The following ARSJ variants were observed in gnomAD, a reference collection of about 807,000 sequenced individuals.
The protein encoded by ARSJ is arylsulfatase J.
Under a neutral mutation model 35.9 loss-of-function variants are expected in ARSJ, and 26 were observed. The observed-to-expected ratio is 0.72, with a 90% CI of 0.53 to 1.00. The LOEUF (loss-of-function observed/expected upper bound fraction) is 1.00, where lower values mean the gene tolerates loss of function less well. ARSJ is among the 50% of genes least tolerant of loss of function. The probability of loss-of-function intolerance (pLI) is 0.00; values close to 1 mark genes in which losing one functional copy is unlikely to be tolerated. For synonymous variants in ARSJ, 294 were observed against 267.6 expected, an observed-to-expected ratio of 1.10 and a Z score of -0.96; for missense variants, 667 against 723.6, an observed-to-expected ratio of 0.92 and a Z score of 0.90.
rs1227242550 is a variant in ARSJ, at chr4:113,903,303, C to T, written c.771G>A (p.Lys257=). The change falls in exon 2 of 2, where the codon AAG becomes AAA. Residue 257 remains lysine, a synonymous_variant. Coordinates refer to ENST00000315366, the MANE Select transcript of ARSJ (RefSeq NM_024590.4). ...QQILASHNPT[K]PIFLYIAYQA... is the part of the protein sequence containing the mutation. ...GATAGGCAATATATAAAAATATAGG[C>T]TTTGTGGGGTTATGGGAAGCTAAGA... 6.2e-7 allele frequency: 1 copy of T among 1,614,082 alleles called. No homozygotes were observed. Among genetic ancestry groups the T allele is most frequent in the Admixed American group, 1.7e-5 (1 of 60,012 alleles).
chr4:113,945,211 C>T (rs1342114422), intron 1 of ARSJ, among the ~76,000 whole-genome samples: 2 of 152,110 alleles, frequency 1.3e-5, no homozygotes, highest in African/African-American at 2.4e-5. Context: ...GGTGAAATCA[C>T]AGCTCACTGA....
intron 1 of ARSJ, among the ~76,000 whole-genome samples, chr4:113,959,106 G>A (rs1421673413): frequency 1.3e-5 from 2 of 151,964 alleles, no homozygotes; most frequent in Non-Finnish European, 2.9e-5. Context: ...AATAACTAGA[G>A]CTGTCTGAAG....
intron 1 of ARSJ, among the ~76,000 whole-genome samples, chr4:113,942,115 C>T (rs571656039): frequency 6.6e-5 from 10 of 151,930 alleles, no homozygotes; most frequent in African/African-American, 1.7e-4. Flanking sequence ...AGTGTAAGAA[C>T]GGTCAAGTTA....
In ARSJ at chr4:113,900,555, A is replaced by C. The variant is rs1404123475; in HGVS notation, c.*1719T>G. Reference sequence around the variant, plus strand: ...CTTTGAGTTGTGATATAAATGGATTATATCACAGTCCTTTGAGCTGTGATG... The same window carrying C: ...CTTTGAGTTGTGATATAAATGGATTCTATCACAGTCCTTTGAGCTGTGATG... On this transcript the variant is annotated 3_prime_UTR_variant, in exon 2 of 2. Transcript: ENST00000315366. 1 of 152,162 alleles carries C rather than the reference A, an allele frequency of 6.6e-6. No individual in the cohort carries two copies. Among genetic ancestry groups the C allele is most frequent in the Non-Finnish European group, 1.5e-5 (1 of 68,018 alleles). 9.4% of individuals were successfully genotyped at this position (152,162 alleles called of 1,614,324 possible). A position where few individuals can be genotyped will look rare whatever the true frequency, so the allele number is the denominator to read the frequency against.
intron 1 of ARSJ, chr4:113,943,574 C>A (rs772919854): frequency 3.9e-5 from 6 of 152,080 alleles, no homozygotes; most frequent in Non-Finnish European, 1.5e-5. Flanking sequence ...AATTAAACCA[C>A]TTTGCAACCA....
Position 113,950,811 on chromosome 4 carries a change from T to A in ARSJ, c.398+27626A>T, listed in dbSNP as rs529445973. On this transcript the variant is annotated intron_variant, in intron 1 of 1. Transcript: ENST00000315366. ...TTCCTGATTATACCGTGACTAGGCA[T>A]AAGAATGGGAATTATTTTCTCTGGA... 2.6e-5 allele frequency among the ~76,000 whole-genome samples: 4 copies of A among 152,188 alleles called. No homozygotes were observed. In the South Asian group the frequency reaches 8.3e-4, roughly 32 times the overall value.
At position 113,902,279 on chromosome 4, in the gene ARSJ, C is replaced by CAA; in HGVS notation, c.1794_1795insTT (p.Gly599LeufsTer11). On this transcript the variant is annotated frameshift_variant, in exon 2 of 2. Transcript: ENST00000315366. LOFTEE classifies it high-confidence loss of function. ...CAAACAGGAAATATTTGTGCTTATC[C>CAA]ACAAGTAACACCTGAATGGCAAGTT... 6.2e-7 allele frequency: 1 copy of CAA among 1,609,814 alleles called. No individual in the cohort carries two copies. The highest frequency in any genetic ancestry group is 8.5e-7 in the Non-Finnish European group (1 of 1,180,012).
At chr4:113,952,455 C>T (rs1351140333) in intron 1 of ARSJ, among the ~76,000 whole-genome samples, 3 of 152,000 alleles carry the variant, frequency 2.0e-5, no homozygotes, top group African/African-American at 7.2e-5. Context: ...TATGAGTCTT[C>T]AATGAATGCT....
chr4:113,935,569 G>T (rs951989186), intron 1 of ARSJ, among the ~76,000 whole-genome samples: 10 of 151,858 alleles, frequency 6.6e-5, no homozygotes, highest in Admixed American at 6.6e-4. Context: ...TTAGTAAAGA[G>T]TAGTATCTGA....
chr4:113,971,531 T>C (rs1170044161), intron 1 of ARSJ, among the ~76,000 whole-genome samples: 1 of 152,194 alleles, frequency 6.6e-6, no homozygotes, highest in Non-Finnish European at 1.5e-5. Context: ...TATGGTCAAA[T>C]AGGAATTGGC....
intron 1 of ARSJ, among the ~76,000 whole-genome samples, chr4:113,954,363 C>A (rs538772483): frequency 2.0e-5 from 3 of 152,078 alleles, no homozygotes; most frequent in Non-Finnish European, 4.4e-5. Context: ...TAGAAAACAA[C>A]TTCAGGTTTA....
At chr4:113,958,295 A>G (rs1307103054) in intron 1 of ARSJ, among the ~76,000 whole-genome samples, 2 of 152,102 alleles carry the variant, frequency 1.3e-5, no homozygotes, top group Admixed American at 1.3e-4. Context: ...GTTGCTGTAC[A>G]TAAAATGTAC....
At chr4:113,954,628 C>A (rs1726054714) in intron 1 of ARSJ, among the ~76,000 whole-genome samples, 1 of 152,040 alleles carries the variant, frequency 6.6e-6, no homozygotes, top group African/African-American at 2.4e-5. Context: ...CAAAGATTTA[C>A]ATAGTTATTA....
At position 113,928,232 on chromosome 4, in the gene ARSJ, A is replaced by G. The variant is rs377196835; in HGVS notation, c.399-24557T>C. On this transcript the variant is annotated intron_variant, in intron 1 of 1. Transcript: ENST00000315366. The stretch of plus-strand genomic sequence containing the variant: ...ATGTCTGATTATTTCCCTTTCCCCA[A>G]TGCTCAGTTACACTTGTAAAAGGCC... Among the ~76,000 whole-genome samples the G allele has an allele frequency of 3.2e-4, 49 of 152,244 alleles. No individual in the cohort carries two copies. The East Asian group carries it at 3.9e-3, about 12-fold the overall frequency.
intron 1 of ARSJ, among the ~76,000 whole-genome samples, chr4:113,945,012 GT>G (rs1453326453): frequency 6.6e-6 from 1 of 151,990 alleles, no homozygotes; most frequent in Non-Finnish European, 1.5e-5. Context: ...TATTTGGCGT[GT>G]TTATATCTGA....
intron 1 of ARSJ, among the ~76,000 whole-genome samples, chr4:113,935,035 T>C (rs1247845554): frequency 1.3e-5 from 2 of 151,898 alleles, no homozygotes; most frequent in African/African-American, 2.4e-5. Flanking sequence ...GTATATACTA[T>C]GATTCTCAAA....
At chr4:113,977,906 T>G (rs1020963876) in intron 1 of ARSJ, among the ~76,000 whole-genome samples, 1 of 152,176 alleles carries the variant, frequency 6.6e-6, no homozygotes, top group African/African-American at 2.4e-5. Context: ...GGGGGTCTCA[T>G]AAGAGAAAAT....
chr4:113,970,985 T>A (rs915020005), intron 1 of ARSJ: 11 of 151,564 alleles, frequency 7.3e-5, no homozygotes, highest in Admixed American at 7.2e-4. Flanking sequence ...AAATAAAAAA[T>A]AAAATAGAAG....
chr4:113,969,410 TAC>T (rs1727101738), intron 1 of ARSJ, among the ~76,000 whole-genome samples: 1 of 152,206 alleles, frequency 6.6e-6, no homozygotes. Flanking sequence ...GCTATGACTA[TAC>T]TTACAGAAAG....
Sources: allele counts gnomAD v4.1 joint callset (sites outside exome capture counted in the v4.1 genomes callset), GRCh38; gene constraint gnomAD v4.1.1; transcripts MANE v1.5; gene names NCBI Gene and HGNC (gene_info 2026-07-23, HGNC 2026-07-21).